NECTIN4: variants seen among roughly 807,000 people sequenced by gnomAD.
NECTIN4 encodes nectin-4.
Under a neutral mutation model 51.7 loss-of-function variants are expected in NECTIN4, and 19 were observed. The ratio of observed to expected loss-of-function variants is 0.37; its 90% confidence interval spans 0.26 to 0.54. The LOEUF is 0.54. Among genes scored for constraint, NECTIN4 ranks in the 20% least tolerant of loss-of-function variants. The pLI is 0.86. For missense variants in NECTIN4, 619 were observed against 662.4 expected, an observed-to-expected ratio of 0.93 and a Z score of 0.72; for synonymous variants, 283 against 286.9, an observed-to-expected ratio of 0.99 and a Z score of 0.14.
chr1:161,076,455 T>A lies in NECTIN4; in HGVS notation c.751A>T (p.Arg251Trp). 3 of 1,614,096 alleles carry A rather than the reference T, an allele frequency of 1.9e-6. No homozygotes were observed. Among genetic ancestry groups the A allele is most frequent in the Non-Finnish European group, 2.5e-6 (3 of 1,180,006 alleles). The change falls in exon 4 of 9, where the codon AGG (arginine) becomes TGG (tryptophan). Residue 251 changes from arginine (R) to tryptophan (W), a missense_variant. By Grantham distance (101) the Arg-to-Trp change is moderately radical (BLOSUM62 -3). This residue lies in a region of NECTIN4 where 364 missense variants were observed against 415.7 expected (regional missense o/e 0.88). Transcript: ENST00000368012. The part of the protein sequence containing the change: ...HVSFLAEASV[R>W]GLEDQNLWHI... ...CACAGATTTTGGTCTTCAAGGCCCC[T>A]CACAGAGGCCTCAGCAAGGACTGGA...
chr1:161,089,088 G>A lies in NECTIN4; in HGVS notation c.79+130C>T. 1 of 884,384 alleles carries A rather than the reference G, an allele frequency of 1.1e-6. No individual in the cohort carries two copies. 54.8% of individuals were successfully genotyped at this position (884,384 alleles called of 1,614,324 possible). ...TGGAAGCTGGGGGCAGGAGAGACTG[G>A]ATCCTCAGTTCAGAGTCAAAGAAAG... is the stretch of plus-strand genomic sequence containing the variant. On this transcript the variant is annotated intron_variant, in intron 1 of 8. Transcript: ENST00000368012. This position sits in a 1 kb window ranked among gnomAD's most constrained non-coding sequence, Gnocchi z 4.1.
chr1:161,078,241 T>G (rs1277498477), intron 2 of NECTIN4, among the ~76,000 whole-genome samples: 1 of 152,154 alleles, frequency 6.6e-6, no homozygotes, highest in East Asian at 1.9e-4. Context: ...AGGCTGATGT[T>G]ATTAACTTAT....
In NECTIN4 at chr1:161,079,897, C is replaced by A. The variant is rs1653601600; in HGVS notation, c.132G>T (p.Leu44=). The A allele has an allele frequency of 3.1e-6, 5 of 1,613,128 alleles. No homozygotes were observed. Among genetic ancestry groups the A allele is most frequent in the Non-Finnish European group, 3.4e-6 (4 of 1,179,518 alleles). Reference sequence around the variant, plus strand: ...AGCAGGGCAGTTTTGCGTCCTGGCCCAGCACCACAGTTACCACGTCTGAGG... The same window carrying A: ...AGCAGGGCAGTTTTGCGTCCTGGCCAAGCACCACAGTTACCACGTCTGAGG... ...LETSDVVTVV[L]GQDAKLPCFY... Residue 44 remains leucine, a synonymous_variant, in exon 2 of 9, where the codon CTG becomes CTT. Coordinates refer to ENST00000368012, the MANE Select transcript of NECTIN4 (RefSeq NM_030916.3).
Position 161,072,666 on chromosome 1 carries a change from C to T in NECTIN4, c.1528G>A (p.Val510Ile). Reference sequence around the variant, plus strand: ...GGAAGGGAGGCAGGCCTGGGTCAGACCAGGTGTCCCCGCCCATTGATGTAG... The same window carrying T: ...GGAAGGGAGGCAGGCCTGGGTCAGATCAGGTGTCCCCGCCCATTGATGTAG... ...GIYINGRGHL[V>I] The change falls in exon 9 of 9, where the codon GTC becomes ATC. Residue 510 changes from valine to isoleucine, a missense_variant. By Grantham distance (29) the Val-to-Ile change is conservative. Transcript: ENST00000368012. 1 of 1,613,950 alleles carries T rather than the reference C, an allele frequency of 6.2e-7. No homozygotes were observed. Among genetic ancestry groups the T allele is most frequent in the Non-Finnish European group, 8.5e-7 (1 of 1,179,784 alleles).
intron 2 of NECTIN4, among the ~76,000 whole-genome samples, chr1:161,078,204 T>C (rs1653505554): frequency 6.6e-6 from 1 of 152,228 alleles, no homozygotes; most frequent in Admixed American, 6.5e-5. Flanking sequence ...AGCCTAGATT[T>C]ACACTTGGGT....
intron 4 of NECTIN4, 152 bp from the exon 5 acceptor site, chr1:161,074,911 C>G: frequency 2.5e-6 from 2 of 813,294 alleles, no homozygotes; most frequent in Non-Finnish European, 3.9e-6. Context: ...CCAGGCAGGT[C>G]TAGGCAGAGG....
chr1:161,072,430 C>A lies in NECTIN4; in HGVS notation c.*231G>T, dbSNP rs1048489227. The A allele has an allele frequency of 4.9e-6, 3 of 606,216 alleles. No homozygotes were observed. The African/African-American group carries it at 5.5e-5, about 11-fold the overall frequency. 37.6% of individuals were successfully genotyped at this position (606,216 alleles called of 1,614,324 possible). ...TCCACACACACACAGTCAGTCAACACTCACACAGGCACACATGCACACACA... is the reference window on the plus strand; with the variant it reads ...TCCACACACACACAGTCAGTCAACAATCACACAGGCACACATGCACACACA... On this transcript the variant is annotated 3_prime_UTR_variant, in exon 9 of 9. Coordinates refer to ENST00000368012, the MANE Select transcript of NECTIN4 (RefSeq NM_030916.3).
At chr1:161,077,216 C>A (rs915134463) in intron 3 of NECTIN4, among the ~76,000 whole-genome samples, 9 of 152,214 alleles carry the variant, frequency 5.9e-5, no homozygotes, top group African/African-American at 2.2e-4. Context: ...ATTCTCCCAA[C>A]AACCCTGTGA....
intron 2 of NECTIN4, among the ~76,000 whole-genome samples, chr1:161,078,811 A>T (rs937639494): frequency 6.6e-6 from 1 of 151,812 alleles, no homozygotes; most frequent in Admixed American, 6.6e-5. Context: ...GGAGATCGAG[A>T]CCATCCTGGC....
At chr1:161,088,662 A>G (rs1450597953) in intron 1 of NECTIN4, among the ~76,000 whole-genome samples, 2 of 152,114 alleles carry the variant, frequency 1.3e-5, no homozygotes, top group Non-Finnish European at 2.9e-5. Flanking sequence ...CAGCTCTCCT[A>G]TAGTCCCCAA....
At chr1:161,082,158 G>C (rs1445846732) in intron 1 of NECTIN4, among the ~76,000 whole-genome samples, 1 of 151,996 alleles carries the variant, frequency 6.6e-6, no homozygotes, top group Non-Finnish European at 1.5e-5. Context: ...GTGAAACCCT[G>C]TCTCTACTAA....
chr1:161,078,905 G>A (rs1383995914), intron 2 of NECTIN4, among the ~76,000 whole-genome samples: 1 of 152,004 alleles, frequency 6.6e-6, no homozygotes, highest in South Asian at 2.1e-4. Flanking sequence ...CCAGCTACTC[G>A]GGAGGCTGAG....
intron 2 of NECTIN4, 125 bp from the exon 3 acceptor site, chr1:161,077,868 G>C: frequency 1.1e-6 from 1 of 874,874 alleles, no homozygotes; most frequent in Non-Finnish European, 1.7e-6. Flanking sequence ...TTATTTCATG[G>C]AGACGCAGAT....
intron 7 of NECTIN4, 118 bp downstream of exon 7, chr1:161,073,602 G>T: frequency 3.1e-6 from 3 of 976,790 alleles, no homozygotes; most frequent in South Asian, 2.6e-5. Flanking sequence ...AACCCCAGCT[G>T]TGAGTCAGTG....
At position 161,088,363 on chromosome 1, in the gene NECTIN4, AC is replaced by A. The variant is rs577172955; in HGVS notation, c.79+854del. 3.1e-3 allele frequency among the ~76,000 whole-genome samples: 479 copies of A among 152,166 alleles called. 7 individuals carry two copies. The highest frequency in any genetic ancestry group is 4.5e-3 in the Non-Finnish European group (303 of 67,972). ...CCCTAGGAACACCCTATGGAATCCC[AC>A]TGAGGTCTCACTGTGCACACACACG... On this transcript the variant is annotated intron_variant, in intron 1 of 8. Coordinates refer to ENST00000368012, the MANE Select transcript of NECTIN4 (RefSeq NM_030916.3).
At chr1:161,073,026 T>C in intron 8 of NECTIN4, 141 bp from the exon 9 acceptor site, 1 of 953,136 alleles carries the variant, frequency 1.0e-6, no homozygotes, top group Non-Finnish European at 1.6e-6. Context: ...GGCCCAGAGA[T>C]CGGGGACCAG....
chr1:161,072,980 C>A, intron 8 of NECTIN4, 95 bp from the exon 9 acceptor site: 6 of 1,254,910 alleles, frequency 4.8e-6, no homozygotes, highest in Non-Finnish European at 6.8e-6. Flanking sequence ...AGAGGCCAGG[C>A]GTAAGCAGGG....
chr1:161,075,878 C>T (rs1653393200), intron 4 of NECTIN4, among the ~76,000 whole-genome samples: 1 of 152,150 alleles, frequency 6.6e-6, no homozygotes, highest in African/African-American at 2.4e-5. Context: ...GAGATCGAGA[C>T]CAGCCTGGCC....
intron 1 of NECTIN4, among the ~76,000 whole-genome samples, 170 bp from the exon 2 acceptor site, chr1:161,080,119 G>A (rs1653612533): frequency 6.6e-6 from 1 of 152,194 alleles, no homozygotes; most frequent in African/African-American, 2.4e-5. Context: ...TTCCCAAGAG[G>A]TAGGCGTTAT....
Sources: gnomAD v4.1 joint callset for allele counts (sites outside exome capture counted in the v4.1 genomes callset) on GRCh38, gnomAD v4.1.1 for gene constraint, gnomAD v4.1.1 regional missense constraint, Gnocchi (gnomAD v3.1) non-coding constraint, MANE v1.5 for transcripts, NCBI Gene and HGNC (gene_info 2026-07-23, HGNC 2026-07-21) for gene names.